The following CNTN1 variants were observed in gnomAD, a reference collection of about 807,000 sequenced individuals.
CNTN1 encodes contactin 1, also known as contactin-1.
A neutral mutation model predicts 126.4 loss-of-function variants in CNTN1; 38 were observed. The observed-to-expected ratio is 0.30, with a 90% CI of 0.23 to 0.39. The LOEUF is 0.39. Ranked by LOEUF, CNTN1 falls within the 10% of genes least tolerant of loss-of-function variation. The pLI, the probability that CNTN1 is intolerant of heterozygous loss-of-function variation, is 1.00. For synonymous variants in CNTN1, 413 were observed against 422.6 expected (o/e 0.98, Z 0.28); for missense variants, 1,009 against 1,248.4 (o/e 0.81, Z 2.89).
chr12:40,726,985 TA>T (rs1216139244), intron 1 of CNTN1, among the ~76,000 whole-genome samples: 2 of 150,168 alleles, frequency 1.3e-5, no homozygotes, highest in African/African-American at 4.8e-5. Context: ...ATTTTTAATC[TA>T]AAAAGTCTTT....
intron 1 of CNTN1, among the ~76,000 whole-genome samples, chr12:40,723,294 T>C (rs1345534019): frequency 1.3e-5 from 2 of 152,260 alleles, no homozygotes; most frequent in Non-Finnish European, 2.9e-5. Flanking sequence ...CTGGGCTAAA[T>C]TGTTCCATAA....
At chr12:40,978,169 G>A (rs963499803) in intron 15 of CNTN1, among the ~76,000 whole-genome samples, 5 of 152,040 alleles carry the variant, frequency 3.3e-5, no homozygotes, top group African/African-American at 1.2e-4. Flanking sequence ...GGAACTTAAC[G>A]ATTTTAAGAA....
intron 14 of CNTN1, among the ~76,000 whole-genome samples, chr12:40,954,038 G>T (rs1042515632): frequency 2.6e-5 from 4 of 151,956 alleles, no homozygotes; most frequent in African/African-American, 9.7e-5. Flanking sequence ...TGATTTTTTT[G>T]AAAATTCAAA....
chr12:40,869,225 T>C (rs1478267975), intron 1 of CNTN1, among the ~76,000 whole-genome samples: 1 of 150,734 alleles, frequency 6.6e-6, no homozygotes, highest in African/African-American at 2.4e-5. Flanking sequence ...GCATTAAATA[T>C]TGAAAAAAAA....
rs532543177 is a variant in CNTN1 at position 40,997,057 on chromosome 12, C to T, written c.2113+3788C>T. 5.7e-4 allele frequency among the ~76,000 whole-genome samples: 87 copies of T among 152,266 alleles called. 2 individuals carry two copies. The highest frequency in any genetic ancestry group is 1.5e-3 in the African/African-American group (63 of 41,544). On this transcript the variant is annotated intron_variant, in intron 17 of 23. Coordinates refer to ENST00000551295, the MANE Select transcript of CNTN1 (RefSeq NM_001843.4). ...CAATTACTTAATGTTAAGATCTCAG[C>T]GCACACTTGGGTGCATTCTTTGGAT... is the stretch of plus-strand genomic sequence containing the variant.
intron 1 of CNTN1, among the ~76,000 whole-genome samples, chr12:40,863,958 T>TCTCCTTCTC (rs1943206929): frequency 9.9e-6 from 1 of 100,562 alleles, no homozygotes. Flanking sequence ...CTCCCTCTCT[T>TCTCCTTCTC]CTCCTTCTCC....
intron 1 of CNTN1, among the ~76,000 whole-genome samples, chr12:40,736,846 A>T (rs961220350): frequency 6.6e-5 from 10 of 152,136 alleles, no homozygotes; most frequent in African/African-American, 2.2e-4. Flanking sequence ...ACAATGGCTA[A>T]CCTAATCAGG....
At chr12:40,960,435 C>G (rs1947065335) in intron 15 of CNTN1, among the ~76,000 whole-genome samples, 1 of 151,986 alleles carries the variant, frequency 6.6e-6, no homozygotes, top group Non-Finnish European at 1.5e-5. Context: ...AATTCTCCTT[C>G]CACATCTGGG....
chr12:40,808,641 A>G (rs1940948471), intron 1 of CNTN1, among the ~76,000 whole-genome samples: 1 of 152,276 alleles, frequency 6.6e-6, no homozygotes, highest in Middle Eastern at 3.4e-3. Flanking sequence ...AAAATTCCTG[A>G]AATTAAAATA....
chr12:41,051,597 G>A (rs532174775), intron 23 of CNTN1, among the ~76,000 whole-genome samples: 1 of 152,016 alleles, frequency 6.6e-6, no homozygotes, highest in East Asian at 1.9e-4. Context: ...TTCTACAATT[G>A]TTGAGGATAT....
chr12:41,018,580 A>G (rs2120762830), intron 19 of CNTN1, among the ~76,000 whole-genome samples: 1 of 151,528 alleles, frequency 6.6e-6, no homozygotes, highest in South Asian at 2.1e-4. Flanking sequence ...GCAGTTATTC[A>G]TATATGTTAA....
rs149552341 is a variant in CNTN1, at chr12:40,961,382, G to T, written c.1804+2148G>T. Among the ~76,000 whole-genome samples the T allele has an allele frequency of 1.0e-3, 156 of 151,894 alleles. 1 individual carries two copies. The East Asian group carries it at 0.018, about 17-fold the overall frequency. On this transcript the variant is annotated intron_variant, in intron 15 of 23. Transcript: ENST00000551295. The stretch of plus-strand genomic sequence containing the variant: ...AAAACATGTATAGATGTTCTAATAT[G>T]CTTTATATATTTAAACCAGAAGGTA...
chr12:40,871,297 T>C (rs187815537), intron 1 of CNTN1, among the ~76,000 whole-genome samples: 4 of 151,950 alleles, frequency 2.6e-5, no homozygotes, highest in East Asian at 3.9e-4. Context: ...CTGAGATAGA[T>C]TGAATACTAT....
intron 1 of CNTN1, among the ~76,000 whole-genome samples, chr12:40,801,451 T>G (rs1373350853): frequency 6.6e-6 from 1 of 151,946 alleles, no homozygotes; most frequent in African/African-American, 2.4e-5. Context: ...TAATTATAGT[T>G]TTGATCAGAG....
intron 15 of CNTN1, among the ~76,000 whole-genome samples, chr12:40,977,652 AG>A (rs1293470630): frequency 6.6e-6 from 1 of 152,206 alleles, no homozygotes; most frequent in Non-Finnish European, 1.5e-5. Flanking sequence ...AATCTTTTAA[AG>A]AAGTAATGAC....
intron 1 of CNTN1, among the ~76,000 whole-genome samples, chr12:40,693,880 C>T (rs1196941142): frequency 1.3e-5 from 2 of 152,116 alleles, no homozygotes; most frequent in Admixed American, 1.3e-4. Context: ...TTGTAACTCA[C>T]GTAAAGATCA....
intron 20 of CNTN1, among the ~76,000 whole-genome samples, chr12:41,022,894 C>T (rs1046308939): frequency 6.6e-6 from 1 of 152,098 alleles, no homozygotes; most frequent in Non-Finnish European, 1.5e-5. Context: ...CCCATTCATT[C>T]TTTCTTAAAA....
chr12:40,844,068 G>GTTTTTTTTTTTTTTTTTTTTTTTTTTTTT (rs1424373022), intron 1 of CNTN1, among the ~76,000 whole-genome samples: 2 of 40,238 alleles, frequency 5.0e-5, no homozygotes, highest in African/African-American at 7.0e-5. Context: ...TTGGCACAAT[G>GTTTTTTTTTTTTTTTTTTTTTTTTTTTTT]ATTTTTTTTT....
intron 4 of CNTN1, among the ~76,000 whole-genome samples, chr12:40,919,761 C>T (rs571028749): frequency 2.4e-4 from 37 of 152,218 alleles, no homozygotes; most frequent in Admixed American, 1.0e-3. Context: ...TACAAAATCA[C>T]CATCCCATTG....
Sources: allele counts gnomAD v4.1 joint callset (sites outside exome capture counted in the v4.1 genomes callset), GRCh38; gene constraint gnomAD v4.1.1; transcripts MANE v1.5; gene names NCBI Gene and HGNC (gene_info 2026-07-23, HGNC 2026-07-21).